Variants in ABL1 observed in about 807,000 individuals in gnomAD.
ABL1 encodes the protein tyrosine-protein kinase ABL1.
In ABL1, 11 loss-of-function variants were observed where a neutral mutation model predicts 94.7. The observed-to-expected ratio is 0.12, with a 90% CI of 0.07 to 0.19. The LOEUF (loss-of-function observed/expected upper bound fraction) is 0.19, where lower values mean the gene tolerates loss of function less well. Among genes scored for constraint, ABL1 ranks in the 10% least tolerant of loss-of-function variants. ABL1 has a pLI of 1.00. For missense variants in ABL1, 1,082 were observed against 1,489.4 expected, an observed-to-expected ratio of 0.73 and a Z score of 4.50; for synonymous variants, 656 against 622.4, an observed-to-expected ratio of 1.05 and a Z score of -0.80.
chr9:130,735,911 A>ACG (rs1831729770), intron 1 of ABL1, among the ~76,000 whole-genome samples: 1 of 137,370 alleles, frequency 7.3e-6, no homozygotes, highest in Admixed American at 7.6e-5. Flanking sequence ...GTGTGTGTAT[A>ACG]TGTGTGTGTA....
At position 130,778,610 on chromosome 9, in the gene ABL1, C is replaced by G. The variant is rs187718144; in HGVS notation, c.136+64155C>G. Among the ~76,000 whole-genome samples, 28 of 152,082 alleles carry G rather than the reference C, an allele frequency of 1.8e-4. 1 individual carries two copies. Among genetic ancestry groups the G allele is most frequent in the Admixed American group, 1.6e-3 (25 of 15,246 alleles). On this transcript the variant is annotated intron_variant, in intron 1 of 10. Transcript: ENST00000372348. ...TCTGGGCAGATGGGCTTGATCCTCA[C>G]CTGTGAATTCCTCTGCTCTCCTTTG...
chr9:130,849,721 T>C (rs1214075252), intron 1 of ABL1, among the ~76,000 whole-genome samples: 2 of 152,210 alleles, frequency 1.3e-5, no homozygotes, highest in East Asian at 1.9e-4. Context: ...TTTCACCATA[T>C]TGGCCAGGTT....
In ABL1 at chr9:130,874,922, T is replaced by C. The variant is rs753439268; in HGVS notation, c.1140T>C (p.Ala380=). The change falls in exon 7 of 11, where the codon GCT becomes GCC. Residue 380 remains alanine (A), a synonymous_variant. Transcript: ENST00000318560. ...LVGENHLVKV[A]DFGLSRLMTG... is the part of the protein sequence containing the mutation. Reference sequence around the variant, plus strand: ...GGGAGAACCACTTGGTGAAGGTAGCTGATTTTGGCCTGAGCAGGTTGATGA... The same window carrying C: ...GGGAGAACCACTTGGTGAAGGTAGCCGATTTTGGCCTGAGCAGGTTGATGA... 3 of 1,614,168 alleles carry C rather than the reference T, an allele frequency of 1.9e-6. No homozygotes were observed. Among genetic ancestry groups the C allele is most frequent in the Non-Finnish European group, 2.5e-6 (3 of 1,180,022 alleles).
Position 130,886,670 on chromosome 9 carries a change from C to G in ABL1, c.*987C>G, listed in dbSNP as rs1489001910. 4.3e-6 allele frequency: 1 copy of G among 233,638 alleles called. No individual in the cohort carries two copies. The highest frequency in any genetic ancestry group is 8.5e-6 in the Non-Finnish European group (1 of 118,080). The allele number at this position is 233,638 out of a possible 1,614,324, so 14.5% of individuals were successfully genotyped here. ...TGGGTGCCCTGAAAGGGCCCTTCCC[C>G]TCCCCCACTCCTCTAAGACAAAGTA... On this transcript the variant is annotated 3_prime_UTR_variant, in exon 11 of 11. Coordinates refer to ENST00000318560, the MANE Select transcript of ABL1 (RefSeq NM_005157.6).
chr9:130,791,654 C>T (rs899306181), intron 1 of ABL1, among the ~76,000 whole-genome samples: 1 of 152,194 alleles, frequency 6.6e-6, no homozygotes, highest in Non-Finnish European at 1.5e-5. Context: ...TGCCCGTCCA[C>T]ATAAGACTCC....
chr9:130,777,271 G>A (rs1829677095), intron 1 of ABL1, among the ~76,000 whole-genome samples: 2 of 152,244 alleles, frequency 1.3e-5, no homozygotes, highest in Admixed American at 1.3e-4. Flanking sequence ...AAGAACATGG[G>A]AATGGAAGGG....
intron 7 of ABL1, among the ~76,000 whole-genome samples, chr9:130,875,908 A>G (rs1246854444): frequency 1.3e-5 from 2 of 151,738 alleles, no homozygotes; most frequent in Non-Finnish European, 2.9e-5. Flanking sequence ...GCTCACTGCA[A>G]CCTCTGCCTT....
At chr9:130,784,759 C>T (rs557549348) in intron 1 of ABL1, among the ~76,000 whole-genome samples, 1 of 152,324 alleles carries the variant, frequency 6.6e-6, no homozygotes, top group South Asian at 2.1e-4. Context: ...ATTCACCCTG[C>T]AGCAGATGTC....
chr9:130,781,071 G>A (rs1172229756), intron 1 of ABL1, among the ~76,000 whole-genome samples: 1 of 152,194 alleles, frequency 6.6e-6, no homozygotes, highest in Non-Finnish European at 1.5e-5. Flanking sequence ...TGAAGACGCA[G>A]TGAGTCAACG....
chr9:130,842,035 GA>G (rs562730148), intron 1 of ABL1, among the ~76,000 whole-genome samples: 14 of 114,590 alleles, frequency 1.2e-4, no homozygotes, highest in Admixed American at 4.4e-4. Context: ...ACAGGAAAGG[GA>G]AAAAAAAACA....
Position 130,743,635 on chromosome 9 carries a change from A to C in ABL1, c.136+29180A>C, listed in dbSNP as rs139093085. Among the ~76,000 whole-genome samples, 15 of 152,318 alleles carry C rather than the reference A, an allele frequency of 9.8e-5. No individual in the cohort carries two copies. In the East Asian group the frequency reaches 2.9e-3, roughly 29 times the overall value. ...ATTACTTACTGATCCCAGAGAGGAGAGAGAGAGAATCCTGGGCCAAAACCT... is the reference window on the plus strand; with the variant it reads ...ATTACTTACTGATCCCAGAGAGGAGCGAGAGAGAATCCTGGGCCAAAACCT... On this transcript the variant is annotated intron_variant, in intron 1 of 10. Transcript: ENST00000372348.
chr9:130,772,484 A>G (rs1373911214), intron 1 of ABL1, among the ~76,000 whole-genome samples: 1 of 152,208 alleles, frequency 6.6e-6, no homozygotes, highest in African/African-American at 2.4e-5. Context: ...TTAGTAATAG[A>G]CATGTGAAGA....
intron 1 of ABL1, among the ~76,000 whole-genome samples, chr9:130,849,947 A>G (rs1337129886): frequency 2.0e-5 from 3 of 152,118 alleles, no homozygotes; most frequent in Non-Finnish European, 4.4e-5. Flanking sequence ...TCTGCCTCAC[A>G]GTTTTTCTAA....
At chr9:130,847,655 G>C (rs1045700172) in intron 1 of ABL1, among the ~76,000 whole-genome samples, 1 of 152,162 alleles carries the variant, frequency 6.6e-6, no homozygotes, top group African/African-American at 2.4e-5. Context: ...TCAGTGTCTC[G>C]GTCCAGAGGC....
chr9:130,816,554 A>C (rs1221660021), intron 1 of ABL1, among the ~76,000 whole-genome samples: 1 of 151,020 alleles, frequency 6.6e-6, no homozygotes, highest in East Asian at 1.9e-4. Context: ...TTGAGACAGA[A>C]TCTTGCTCTG....
At chr9:130,741,894 G>A (rs2132713222) in intron 1 of ABL1, among the ~76,000 whole-genome samples, 1 of 149,846 alleles carries the variant, frequency 6.7e-6, no homozygotes, top group South Asian at 2.1e-4. Flanking sequence ...GGAAAAAGGG[G>A]TAAAGTGAGC....
At position 130,723,185 on chromosome 9, in the gene ABL1, C is replaced by T. The variant is rs76057676; in HGVS notation, c.136+8730C>T. Among the ~76,000 whole-genome samples, 334 of 152,258 alleles carry T rather than the reference C, an allele frequency of 2.2e-3. 6 individuals are homozygous for T. The highest frequency in any genetic ancestry group is 0.019 in the East Asian group (101 of 5,182). On this transcript the variant is annotated intron_variant, in intron 1 of 10. Transcript: ENST00000372348. ...CTGTGCCTCTGCAGTTCCCTGACTC[C>T]TTGCTGTGTTCGTCCCTGCCTTTTT...
intron 1 of ABL1, among the ~76,000 whole-genome samples, chr9:130,801,967 CT>C (rs1252256359): frequency 1.3e-5 from 2 of 152,050 alleles, no homozygotes; most frequent in Non-Finnish European, 2.9e-5. Context: ...CAGTTTTTGG[CT>C]CTTGTTTCTT....
At position 130,742,379 on chromosome 9, in the gene ABL1, C is replaced by T. The variant is rs184512039; in HGVS notation, c.136+27924C>T. Among the ~76,000 whole-genome samples the T allele has an allele frequency of 1.4e-3, 213 of 152,228 alleles. 2 individuals are homozygous for T. Among genetic ancestry groups the T allele is most frequent in the Middle Eastern group, 6.8e-3 (2 of 294 alleles). ...TCTCCATTGGCTAGAAGTTGAGACC[C>T]ATTTCAACAAAAGCACTTCCACCTC... is the stretch of plus-strand genomic sequence containing the variant. On this transcript the variant is annotated intron_variant, in intron 1 of 10. Transcript: ENST00000372348.
Sources: allele counts gnomAD v4.1 joint callset (sites outside exome capture counted in the v4.1 genomes callset), GRCh38; gene constraint gnomAD v4.1.1; transcripts MANE v1.5; gene names NCBI Gene and HGNC (gene_info 2026-07-23, HGNC 2026-07-21).